Variants in NPC1 observed in about 807,000 individuals in gnomAD.
NPC1 encodes the protein NPC intracellular cholesterol transporter 1, also known as Niemann-Pick C1 protein.
In NPC1, 85 loss-of-function variants were observed where a neutral mutation model predicts 140.4. The ratio of observed to expected loss-of-function variants is 0.61; its 90% CI spans 0.51 to 0.72. NPC1 has a LOEUF of 0.72. Among genes scored for constraint, NPC1 ranks in the 30% least tolerant of loss-of-function variants. The probability of loss-of-function intolerance (pLI) is 0.00; values close to 1 mark genes in which losing one functional copy is unlikely to be tolerated. For synonymous variants in NPC1, 656 were observed against 624.8 expected (o/e 1.05, Z -0.74); for missense variants, 1,504 against 1,623.8 (o/e 0.93, Z 1.27).
At chr18:23,509,300 G>T in intron 3 of NPC1, 1 of 1,287,532 alleles carries the variant, frequency 7.8e-7, no homozygotes, top group East Asian at 2.8e-5. Context: ...TATCATTTAT[G>T]TTTGTTGGTT....
At position 23,540,477 on chromosome 18, in the gene NPC1, C is replaced by G. The variant is rs2058698654; in HGVS notation, c.2575G>C (p.Gly859Arg). The change falls in exon 17 of 25, where the codon GGA (glycine) becomes CGA (arginine). Residue 859 changes from glycine to arginine, a missense_variant. Transcript: ENST00000269228. Reference protein sequence around the residue: ...SIAVLNKVDIGLDQSLSMPDD... With the variant: ...SIAVLNKVDIRLDQSLSMPDD... ...GGCATCGAAAGAGACTGATCCAATCCAATATCTACTTTGTTCAGGACTGCG... is the reference window on the plus strand; with the variant it reads ...GGCATCGAAAGAGACTGATCCAATCGAATATCTACTTTGTTCAGGACTGCG... The G allele has an allele frequency of 6.2e-7, 1 of 1,610,974 alleles. No individual in the cohort carries two copies. The highest frequency in any genetic ancestry group is 8.5e-7 in the Non-Finnish European group (1 of 1,178,274).
chr18:23,536,542 C>G, intron 21 of NPC1, 131 bp downstream of exon 21: 1 of 740,474 alleles, frequency 1.4e-6, no homozygotes, highest in Non-Finnish European at 2.4e-6. Flanking sequence ...GATATACTGC[C>G]CTGTGCTCAG....
At chr18:23,542,520 T>G (rs1228745016) in intron 14 of NPC1, among the ~76,000 whole-genome samples, 1 of 151,262 alleles carries the variant, frequency 6.6e-6, no homozygotes, top group Non-Finnish European at 1.5e-5. Context: ...CAGAGTCACT[T>G]TGCTCTTACT....
chr18:23,567,547 T>TG (rs2059143336), intron 4 of NPC1, among the ~76,000 whole-genome samples: 1 of 152,210 alleles, frequency 6.6e-6, no homozygotes, highest in Non-Finnish European at 1.5e-5. Flanking sequence ...CTTACTAACA[T>TG]GTCTTTTGCA....
rs2058858698 is a variant in NPC1 at position 23,550,639 on chromosome 18, A to G, written c.1654+988T>C. ...TGGGACCACAGGCACCTGCCACCACACCCAGCTAATTTTTTAAAGAATATT... is the reference window on the plus strand; with the variant it reads ...TGGGACCACAGGCACCTGCCACCACGCCCAGCTAATTTTTTAAAGAATATT... On this transcript the variant is annotated intron_variant, in intron 10 of 24. Transcript: ENST00000269228. 2.7e-5 allele frequency among the ~76,000 whole-genome samples: 4 copies of G among 150,516 alleles called. No individual in the cohort carries two copies. In the South Asian group the frequency reaches 6.3e-4, roughly 24 times the overall value.
At chr18:23,562,421 T>G (rs2059056761) in intron 4 of NPC1, among the ~76,000 whole-genome samples, 1 of 152,062 alleles carries the variant, frequency 6.6e-6, no homozygotes, top group Non-Finnish European at 1.5e-5. Context: ...ATAGCTGGAA[T>G]GGGTCCTGTA....
chr18:23,510,860 C>G (rs562763681), intron 3 of NPC1, among the ~76,000 whole-genome samples: 74 of 152,212 alleles, frequency 4.9e-4, no homozygotes, highest in Non-Finnish European at 9.8e-4. Flanking sequence ...AAAGGGAACC[C>G]TTATGCACTA....
chr18:23,559,842 C>A (rs1452522805), intron 6 of NPC1, among the ~76,000 whole-genome samples: 2 of 152,046 alleles, frequency 1.3e-5, no homozygotes, highest in African/African-American at 4.8e-5. Context: ...CCTGTAATCC[C>A]AGCTACTCAG....
intron 9 of NPC1, among the ~76,000 whole-genome samples, chr18:23,553,899 T>C (rs2058911201): frequency 6.6e-6 from 1 of 152,132 alleles, no homozygotes. Flanking sequence ...CCTCAACTCC[T>C]CAGAGGGAGG....
At chr18:23,538,034 C>T (rs185142240) in intron 20 of NPC1, among the ~76,000 whole-genome samples, 36 of 152,246 alleles carry the variant, frequency 2.4e-4, no homozygotes, top group Admixed American at 1.7e-3. Flanking sequence ...ATCTGGCTTC[C>T]GTGGGTAACT....
Position 23,544,532 on chromosome 18 carries a change from A to G in NPC1, c.1948-6T>C, listed in dbSNP as rs1215390784. On this transcript the variant is annotated splice_polypyrimidine_tract_variant and splice_region_variant and intron_variant, in intron 12 of 24. Coordinates refer to ENST00000269228, the MANE Select transcript of NPC1 (RefSeq NM_000271.5). ...AGTGAGACCTTCGAATCCACCTGAGAGAGGCGACAGACACAATCACCAATT... is the reference window on the plus strand; with the variant it reads ...AGTGAGACCTTCGAATCCACCTGAGGGAGGCGACAGACACAATCACCAATT... 1.2e-6 allele frequency: 2 copies of G among 1,613,892 alleles called. No homozygotes were observed. Among genetic ancestry groups the G allele is most frequent in the Non-Finnish European group, 1.7e-6 (2 of 1,179,914 alleles).
At chr18:23,514,646 A>G (rs2057952560) in intron 3 of NPC1, among the ~76,000 whole-genome samples, 1 of 152,186 alleles carries the variant, frequency 6.6e-6, no homozygotes, top group Non-Finnish European at 1.5e-5. Flanking sequence ...AATTTTGTAC[A>G]TGTGATTGCA....
chr18:23,534,275 T>C, intron 23 of NPC1, 171 bp downstream of exon 23: 1 of 683,250 alleles, frequency 1.5e-6, no homozygotes. Context: ...ACAGGTACAG[T>C]TCCACAGAAC....
chr18:23,573,775 G>GGAA (rs1485650322), intron 1 of NPC1, among the ~76,000 whole-genome samples: 1 of 152,156 alleles, frequency 6.6e-6, no homozygotes, highest in Non-Finnish European at 1.5e-5. Flanking sequence ...AGTAGGTAAT[G>GGAA]GAAATTGCTT....
chr18:23,567,751 G>A (rs1368718126), intron 4 of NPC1, among the ~76,000 whole-genome samples: 1 of 152,170 alleles, frequency 6.6e-6, no homozygotes, highest in Non-Finnish European at 1.5e-5. Context: ...GTACTGCAAA[G>A]TTGTTTTTCA....
Position 23,531,844 on chromosome 18 carries a change from T to C in NPC1, c.*358A>G. The C allele has an allele frequency of 6.8e-7, 1 of 1,462,994 alleles. No homozygotes were observed. Among genetic ancestry groups the C allele is most frequent in the Non-Finnish European group, 9.0e-7 (1 of 1,116,532 alleles). The allele number at this position is 1,462,994 out of a possible 1,614,324, so 90.6% of individuals were successfully genotyped here. A position where few individuals can be genotyped will look rare whatever the true frequency, so the allele number is the denominator to read the frequency against. On this transcript the variant is annotated 3_prime_UTR_variant, in exon 25 of 25. Transcript: ENST00000269228. ...AAAATATGGTATAGAACTTGTGGGA[T>C]GGCTTACTCCTAAAAGGAGAGACAG... is the stretch of plus-strand genomic sequence containing the variant.
At chr18:23,544,271 CG>C in intron 13 of NPC1, 72 bp downstream of exon 13, 2 of 1,426,676 alleles carry the variant, frequency 1.4e-6, no homozygotes, top group Non-Finnish European at 2.0e-6. Flanking sequence ...CTCACGAATG[CG>C]GAGCCCAGGA....
At chr18:23,566,126 A>G (rs556369649) in intron 4 of NPC1, among the ~76,000 whole-genome samples, 97 of 152,296 alleles carry the variant, frequency 6.4e-4, no homozygotes, top group Non-Finnish European at 1.1e-3. Flanking sequence ...GGACTCGGCC[A>G]GGTGCAGTGA....
At position 23,531,810 on chromosome 18, in the gene NPC1, C is replaced by T. The variant is rs888939134; in HGVS notation, c.*392G>A. ...TTATAAAGTGTATCTACAACCTCAA[C>T]TGTCACTAAAAATATGGTATAGAAC... is the stretch of plus-strand genomic sequence containing the variant. On this transcript the variant is annotated 3_prime_UTR_variant, in exon 25 of 25. Transcript: ENST00000269228. The T allele has an allele frequency of 3.0e-5, 46 of 1,511,402 alleles. No homozygotes were observed. The highest frequency in any genetic ancestry group is 2.4e-4 in the South Asian group (18 of 75,232). 93.6% of individuals were successfully genotyped at this position (1,511,402 alleles called of 1,614,324 possible). A position where few individuals can be genotyped will look rare whatever the true frequency, so the allele number is the denominator to read the frequency against.
Sources: allele counts gnomAD v4.1 joint callset (sites outside exome capture counted in the v4.1 genomes callset), GRCh38; gene constraint gnomAD v4.1.1; transcripts MANE v1.5; gene names NCBI Gene and HGNC (gene_info 2026-07-23, HGNC 2026-07-21).